The following DCAF6 variants were observed in gnomAD, a reference collection of about 807,000 sequenced individuals.
DCAF6 encodes DDB1 and CUL4 associated factor 6, also known as DDB1- and CUL4-associated factor 6.
In DCAF6, 54 loss-of-function variants were observed where a neutral mutation model predicts 125.1. The observed-to-expected ratio is 0.43, with a 90% CI of 0.35 to 0.54. The LOEUF (loss-of-function observed/expected upper bound fraction) is 0.54, where lower values mean the gene tolerates loss of function less well. Ranked by LOEUF, DCAF6 falls within the 20% of genes least tolerant of loss-of-function variation. DCAF6 has a pLI of 0.01. For synonymous variants in DCAF6, 371 were observed against 390.4 expected, an observed-to-expected ratio of 0.95 and a Z score of 0.58; for missense variants, 934 against 1,161.7, an observed-to-expected ratio of 0.80 and a Z score of 2.85.
At chr1:167,932,794 G>GC, upstream of DCAF6, among the ~76,000 whole-genome samples, 1 of 130,570 alleles carries the variant, frequency 7.7e-6, no homozygotes, top group African/African-American at 3.0e-5. Flanking sequence ...AGGGAACAGA[G>GC]CAAGACTCTG....
chr1:167,905,470 C>A, the DCAF6 span, among the ~76,000 whole-genome samples: 1 of 152,130 alleles, frequency 6.6e-6, no homozygotes, highest in Non-Finnish European at 1.5e-5. Flanking sequence ...AAGGGGTAGG[C>A]CCTCGCAGGG....
At chr1:168,017,092 A>T (rs1685074844) in intron 11 of DCAF6, among the ~76,000 whole-genome samples, 1 of 151,764 alleles carries the variant, frequency 6.6e-6, no homozygotes, top group Non-Finnish European at 1.5e-5. Flanking sequence ...TCAATGTTAT[A>T]TTAATAGAGG....
chr1:168,015,423 G>A (rs1041545120), intron 10 of DCAF6, among the ~76,000 whole-genome samples: 30 of 152,066 alleles, frequency 2.0e-4, no homozygotes, highest in African/African-American at 7.2e-4. Flanking sequence ...GTATAAATCA[G>A]ATGAGTTAAC....
the DCAF6 span, among the ~76,000 whole-genome samples, chr1:167,878,134 G>A: frequency 2.0e-5 from 3 of 152,266 alleles, no homozygotes; most frequent in Admixed American, 2.0e-4. Context: ...AATATTAAAT[G>A]GTTGGTGATT....
intron 4 of DCAF6, 39 bp downstream of exon 4, chr1:167,975,054 A>G: frequency 1.5e-6 from 2 of 1,376,186 alleles, no homozygotes; most frequent in Admixed American, 2.4e-5. Context: ...ATATGTAAGT[A>G]TGTATATTTT....
chr1:167,987,651 G>A, intron 5 of DCAF6, 43 bp downstream of exon 5: 1 of 1,023,758 alleles, frequency 9.8e-7, no homozygotes, highest in Non-Finnish European at 1.5e-6. Context: ...AAAAAATTAA[G>A]GTTATAATTA....
At chr1:168,038,607 C>G in intron 13 of DCAF6, 119 bp downstream of exon 13, 1 of 632,442 alleles carries the variant, frequency 1.6e-6, no homozygotes, top group Admixed American at 3.5e-5. Context: ...GGTTTTCAAA[C>G]TTGAGTGTGC....
intron 1 of DCAF6, among the ~76,000 whole-genome samples, chr1:167,951,159 C>T (rs986548286): frequency 6.6e-6 from 1 of 152,050 alleles, no homozygotes; most frequent in East Asian, 1.9e-4. Context: ...ATTTTACCAC[C>T]GTAAAATATA....
At chr1:167,887,075 G>A in the DCAF6 span, among the ~76,000 whole-genome samples, 5 of 152,138 alleles carry the variant, frequency 3.3e-5, no homozygotes, top group African/African-American at 7.2e-5. Context: ...TGGAGAAATA[G>A]GAACACTTTT....
At chr1:167,916,190 G>A in the DCAF6 span, among the ~76,000 whole-genome samples, 2 of 151,398 alleles carry the variant, frequency 1.3e-5, no homozygotes, top group East Asian at 1.9e-4. Flanking sequence ...GTGGCAATGA[G>A]AGTTTTTGAC....
At chr1:167,880,062 G>T in the DCAF6 span, 8 of 1,492,950 alleles carry the variant, frequency 5.4e-6, no homozygotes, top group African/African-American at 8.3e-5. Flanking sequence ...AAGCCCAGTG[G>T]CAAGGTGCTG....
intron 2 of DCAF6, among the ~76,000 whole-genome samples, chr1:167,960,853 G>C (rs1354693674): frequency 6.6e-6 from 1 of 152,122 alleles, no homozygotes; most frequent in Non-Finnish European, 1.5e-5. Context: ...ATAAACTTTA[G>C]AATCAGTTTG....
Position 168,007,023 on chromosome 1 carries a change from CA to C in DCAF6, c.1378+2234del, listed in dbSNP as rs1275067497. On this transcript the variant is annotated intron_variant, in intron 10 of 21. Transcript: ENST00000367840. ...CTCACACTGTTGCTCTCCAGCTGTACAAAATGACTATTTTACACTTTCATGT... is the reference window on the plus strand; with the variant it reads ...CTCACACTGTTGCTCTCCAGCTGTACAAATGACTATTTTACACTTTCATGT... Among the ~76,000 whole-genome samples, 5 of 152,320 alleles carry C rather than the reference CA, an allele frequency of 3.3e-5. No individual in the cohort carries two copies. The South Asian group carries it at 1.0e-3, about 32-fold the overall frequency.
chr1:168,065,648 A>G lies in DCAF6; in HGVS notation c.2498A>G (p.His833Arg). 6.2e-7 allele frequency: 1 copy of G among 1,613,310 alleles called. No homozygotes were observed. The highest frequency in any genetic ancestry group is 1.1e-5 in the South Asian group (1 of 90,928). Residue 833 changes from histidine (H) to arginine (R), a missense_variant, in exon 19 of 22, where the codon CAC becomes CGC. His to Arg is a conservative substitution (Grantham distance 29). This residue lies in a region of DCAF6 where 559 missense variants were observed against 635.5 expected (regional missense o/e 0.88). Coordinates refer to ENST00000367840, the MANE Select transcript of DCAF6 (RefSeq NM_001198956.2). ...GTAATGAGTGGTTCTGACTGTGGCC[A>G]CATTTTCATCTGGGATCGGCACACT... is the stretch of plus-strand genomic sequence containing the variant. The part of the protein sequence containing the change: ...NFVMSGSDCG[H>R]IFIWDRHTAE...
chr1:167,875,778 G>A, the DCAF6 span, among the ~76,000 whole-genome samples: 51,674 of 151,776 alleles, frequency 0.34, 9,795 homozygotes, highest in African/African-American at 0.51. Flanking sequence ...GTGAAACCCC[G>A]TCTCTACCAA....
intron 12 of DCAF6, among the ~76,000 whole-genome samples, chr1:168,036,773 T>G (rs926411140): frequency 2.6e-5 from 4 of 152,228 alleles, no homozygotes; most frequent in Non-Finnish European, 4.4e-5. Context: ...ACACTGAATG[T>G]AATACTAAAT....
intron 1 of DCAF6, among the ~76,000 whole-genome samples, chr1:167,947,998 A>G (rs1488456571): frequency 6.6e-6 from 1 of 152,114 alleles, no homozygotes; most frequent in Non-Finnish European, 1.5e-5. Context: ...GTTGCAGTGT[A>G]TCTCTTTCTT....
chr1:167,880,543 G>C, the DCAF6 span: 1 of 1,614,166 alleles, frequency 6.2e-7, no homozygotes, highest in East Asian at 2.2e-5. Flanking sequence ...GCACATTCCA[G>C]AGCATGAGTG....
chr1:167,914,028 C>T, the DCAF6 span: 2 of 152,432 alleles, frequency 1.3e-5, no homozygotes, highest in African/African-American at 4.8e-5. Flanking sequence ...GGGACTAGGT[C>T]TTTTAAGACT....
Sources: allele counts gnomAD v4.1 joint callset (sites outside exome capture counted in the v4.1 genomes callset), GRCh38; gene constraint gnomAD v4.1.1; regional missense constraint gnomAD v4.1.1; transcripts MANE v1.5; gene names NCBI Gene and HGNC (gene_info 2026-07-23, HGNC 2026-07-21).